The following SHISA6 variants were observed in gnomAD, a reference collection of about 807,000 sequenced individuals.
SHISA6 encodes the protein protein shisa-6.
A neutral mutation model predicts 47.9 loss-of-function variants in SHISA6; 22 were observed. The observed-to-expected ratio is 0.46, with a 90% CI of 0.33 to 0.66. The LOEUF is 0.66. Among genes scored for constraint, SHISA6 ranks in the 30% least tolerant of loss-of-function variants. The pLI is 0.02. For synonymous variants in SHISA6, 388 were observed against 337.8 expected, an observed-to-expected ratio of 1.15 and a Z score of -1.63; for missense variants, 680 against 764.6, an observed-to-expected ratio of 0.89 and a Z score of 1.30.
chr17:11,511,085 G>A (rs368770765), intron 3 of SHISA6, among the ~76,000 whole-genome samples: 14 of 152,020 alleles, frequency 9.2e-5, no homozygotes, highest in African/African-American at 2.4e-4. Flanking sequence ...TGCCTGGTTC[G>A]CATGGAATGC....
At chr17:11,451,951 C>G (rs1915412993) in intron 3 of SHISA6, among the ~76,000 whole-genome samples, 1 of 152,238 alleles carries the variant, frequency 6.6e-6, no homozygotes, top group Non-Finnish European at 1.5e-5. Flanking sequence ...GCAGGCTGAA[C>G]TCAACAGAAA....
chr17:11,316,721 A>C (rs1397627532), intron 2 of SHISA6, among the ~76,000 whole-genome samples: 1 of 152,040 alleles, frequency 6.6e-6, no homozygotes, highest in Non-Finnish European at 1.5e-5. Flanking sequence ...CGCCCGGCCC[A>C]TCCTTCTCTT....
At chr17:11,321,563 C>G (rs1006493743) in intron 2 of SHISA6, among the ~76,000 whole-genome samples, 2 of 152,188 alleles carry the variant, frequency 1.3e-5, no homozygotes, top group Non-Finnish European at 2.9e-5. Flanking sequence ...GCTAGTCTCA[C>G]AATCCTTGCC....
chr17:11,470,967 T>C (rs563120408), intron 3 of SHISA6, among the ~76,000 whole-genome samples: 1 of 152,168 alleles, frequency 6.6e-6, no homozygotes, highest in East Asian at 1.9e-4. Context: ...CCCAGCACTC[T>C]GGGAGGCTGA....
intron 3 of SHISA6, among the ~76,000 whole-genome samples, chr17:11,448,549 C>G (rs951877333): frequency 6.6e-6 from 1 of 152,038 alleles, no homozygotes; most frequent in African/African-American, 2.4e-5. Flanking sequence ...AGAAAATAGG[C>G]TGGGCGTGGT....
intron 3 of SHISA6, among the ~76,000 whole-genome samples, chr17:11,470,118 G>A (rs535489273): frequency 2.0e-5 from 3 of 152,144 alleles, no homozygotes; most frequent in Non-Finnish European, 4.4e-5. Context: ...CTGGTGGCAC[G>A]TTGATCTGAA....
chr17:11,256,722 A>G (rs1908021690), intron 1 of SHISA6, among the ~76,000 whole-genome samples: 1 of 152,124 alleles, frequency 6.6e-6, no homozygotes, highest in Non-Finnish European at 1.5e-5. Flanking sequence ...CAATCCAAGT[A>G]TTTCTGAAAA....
chr17:11,359,423 T>C (rs1401808119), intron 2 of SHISA6, among the ~76,000 whole-genome samples: 2 of 152,084 alleles, frequency 1.3e-5, no homozygotes, highest in African/African-American at 4.8e-5. Flanking sequence ...GGCTGCAGAG[T>C]CAGCTGGGCC....
At chr17:11,358,226 T>C (rs1176670837) in intron 2 of SHISA6, among the ~76,000 whole-genome samples, 3 of 152,204 alleles carry the variant, frequency 2.0e-5, no homozygotes, top group Non-Finnish European at 4.4e-5. Flanking sequence ...ACCACTCTTC[T>C]GCTTTCTTTC....
intron 3 of SHISA6, among the ~76,000 whole-genome samples, chr17:11,496,693 C>T (rs112718271): frequency 0.12 from 17,618 of 150,508 alleles, 1,141 homozygotes; most frequent in Non-Finnish European, 0.14. Context: ...GAGCCAAGAT[C>T]GCGCCACTGC....
intron 3 of SHISA6, among the ~76,000 whole-genome samples, chr17:11,478,348 A>T: frequency 1.7e-5 from 2 of 118,708 alleles, no homozygotes; most frequent in East Asian, 2.7e-4. Context: ...AGGTTGTGAA[A>T]ATTTTCTCCC....
chr17:11,325,220 C>CT (rs941798848), intron 2 of SHISA6, among the ~76,000 whole-genome samples: 3 of 152,198 alleles, frequency 2.0e-5, no homozygotes, highest in African/African-American at 7.2e-5. Flanking sequence ...ATGCTGGCCT[C>CT]TGTGTTTCAG....
intron 3 of SHISA6, among the ~76,000 whole-genome samples, chr17:11,513,619 C>T (rs756469618): frequency 7.0e-4 from 107 of 152,272 alleles, no homozygotes; most frequent in Non-Finnish European, 1.4e-3. Flanking sequence ...ATTGACTCTT[C>T]CTAGCCTGTT....
At chr17:11,268,668 C>T (rs190482380) in intron 2 of SHISA6, among the ~76,000 whole-genome samples, 41 of 152,300 alleles carry the variant, frequency 2.7e-4, no homozygotes, top group Admixed American at 1.3e-3. Context: ...ATACATTTGT[C>T]GGTTCATGTG....
chr17:11,555,876 A>G lies in SHISA6; in HGVS notation c.1089A>G (p.Ser363=). The change falls in exon 5 of 6, where the codon TCA becomes TCG. Residue 363 remains serine (S), a synonymous_variant. Transcript: ENST00000441885. ...SAVKTNPSKY[S]SLKRLTDKEA... is the part of the protein sequence containing the mutation. Reference sequence around the variant, plus strand: ...TAAAGACCAACCCCAGCAAGTATTCATCTCTGAAGAGGCTAAGTAAGTTGA... The same window carrying G: ...TAAAGACCAACCCCAGCAAGTATTCGTCTCTGAAGAGGCTAAGTAAGTTGA... 2 of 1,542,492 alleles carry G rather than the reference A, an allele frequency of 1.3e-6. No homozygotes were observed. Among genetic ancestry groups the G allele is most frequent in the African/African-American group, 1.4e-5 (1 of 72,528 alleles).
At chr17:11,486,136 G>T (rs947591005) in intron 3 of SHISA6, among the ~76,000 whole-genome samples, 2 of 152,182 alleles carry the variant, frequency 1.3e-5, no homozygotes, top group African/African-American at 4.8e-5. Flanking sequence ...ATTCTAAGCA[G>T]GTGAACAGCC....
chr17:11,423,333 A>AGATAGAT (rs1914513254), intron 3 of SHISA6, among the ~76,000 whole-genome samples: 1 of 13,978 alleles, frequency 7.2e-5, no homozygotes, highest in Non-Finnish European at 1.5e-4. Context: ...ATATATAGAT[A>AGATAGAT]GATAGATAGA....
At chr17:11,403,759 T>A (rs1045857818) in intron 3 of SHISA6, among the ~76,000 whole-genome samples, 1 of 152,244 alleles carries the variant, frequency 6.6e-6, no homozygotes, top group African/African-American at 2.4e-5. Flanking sequence ...CATAGGATAC[T>A]TTTAAAAAAG....
rs117329417 is a variant in SHISA6, at chr17:11,274,811, C to T, written c.799+11285C>T. On this transcript the variant is annotated intron_variant, in intron 2 of 5. Coordinates refer to ENST00000441885, the MANE Select transcript of SHISA6 (RefSeq NM_207386.4). ...AAAATAATTGACTCTACAGGTGCCC[C>T]TCCAGAATTATAGGCCACATGCTCA... Among the ~76,000 whole-genome samples the T allele has an allele frequency of 2.2e-3, 341 of 152,270 alleles. 1 individual carries two copies. Among genetic ancestry groups the T allele is most frequent in the Admixed American group, 4.1e-3 (63 of 15,292 alleles).
Sources: gnomAD v4.1 joint callset for allele counts (sites outside exome capture counted in the v4.1 genomes callset) on GRCh38, gnomAD v4.1.1 for gene constraint, MANE v1.5 for transcripts, NCBI Gene and HGNC (gene_info 2026-07-23, HGNC 2026-07-21) for gene names.